The following KIF17 variants were observed in gnomAD, a reference collection of about 807,000 sequenced individuals.
KIF17 encodes kinesin-like protein KIF17.
In KIF17, 80 loss-of-function variants were observed where a neutral mutation model predicts 96.8. That is an observed-to-expected ratio of 0.83 (90% confidence interval 0.69 to 1.00). KIF17 has a LOEUF of 1.00. Ranked by LOEUF, KIF17 falls within the 50% of genes least tolerant of loss-of-function variation. The pLI is 0.00. For missense variants in KIF17, 1,280 were observed against 1,372.9 expected (o/e 0.93, Z 1.07); for synonymous variants, 567 against 587.5 (o/e 0.97, Z 0.51).
In KIF17 at chr1:20,685,410, C is replaced by A; in HGVS notation, c.2020-390G>T. ...CTGCCTCCACGGCCTCCCCCGCCAC[C>A]GTGGCCTCCTTTTCCATTGCTAAGA... On this transcript the variant is annotated intron_variant, in intron 9 of 14. Coordinates refer to ENST00000400463, the MANE Select transcript of KIF17 (RefSeq NM_001122819.3). This position sits in a 1 kb window ranked among gnomAD's most constrained non-coding sequence, Gnocchi z 4.1. 2.5e-6 allele frequency: 1 copy of A among 398,270 alleles called. No individual in the cohort carries two copies. The allele number at this position is 398,270 out of a possible 1,614,324, so 24.7% of individuals were successfully genotyped here.
chr1:20,690,352 G>GGGGGGGGCCCC lies in KIF17; in HGVS notation c.1234-18_1234-17insGGGGCCCCCCC. The GGGGGGGGCCCC allele has an allele frequency of 2.2e-6, 1 of 451,164 alleles. No individual in the cohort carries two copies. Among genetic ancestry groups the GGGGGGGGCCCC allele is most frequent in the Non-Finnish European group, 4.3e-6 (1 of 235,144 alleles). 27.9% of individuals were successfully genotyped at this position (451,164 alleles called of 1,614,324 possible). A position where few individuals can be genotyped will look rare whatever the true frequency, so the allele number is the denominator to read the frequency against. On this transcript the variant is annotated splice_polypyrimidine_tract_variant and intron_variant, in intron 6 of 14. Coordinates refer to ENST00000400463, the MANE Select transcript of KIF17 (RefSeq NM_001122819.3). ...TTCATACTCCTGGGGGGGTGGGAGG[G>GGGGGGGGCCCC]ACCAGAGGGCAGGCAGCATTTTATC...
At chr1:20,673,677 G>A (rs2053687769) in intron 11 of KIF17, among the ~76,000 whole-genome samples, 1 of 151,726 alleles carries the variant, frequency 6.6e-6, no homozygotes, top group African/African-American at 2.4e-5. Context: ...TTACAGGTTT[G>A]AGTCACCACG....
chr1:20,671,945 G>T lies in KIF17; in HGVS notation c.2715C>A (p.Leu905=). 6.2e-7 allele frequency: 1 copy of T among 1,613,570 alleles called. No homozygotes were observed. Among genetic ancestry groups the T allele is most frequent in the South Asian group, 1.1e-5 (1 of 91,070 alleles). Reference sequence around the variant, plus strand: ...GCCAGCCAAGCTCCTGACCTACTGGGAGGCTGGTTTTTGTGATGACGGGAT... The same window carrying T: ...GCCAGCCAAGCTCCTGACCTACTGGTAGGCTGGTTTTTGTGATGACGGGAT... ...IPHPVITKTS[L]PVVSTGPQNK... Residue 905 remains leucine (L), a synonymous_variant, in exon 12 of 15, where the codon CTC becomes CTA. Coordinates refer to ENST00000400463, the MANE Select transcript of KIF17 (RefSeq NM_001122819.3).
At chr1:20,670,072 C>T (rs1199672018) in intron 13 of KIF17, among the ~76,000 whole-genome samples, 1 of 151,616 alleles carries the variant, frequency 6.6e-6, no homozygotes, top group Non-Finnish European at 1.5e-5. Context: ...TTCATGAACC[C>T]TGTGAGGACC....
intron 11 of KIF17, among the ~76,000 whole-genome samples, chr1:20,680,987 G>T (rs944262974): frequency 2.0e-5 from 3 of 151,242 alleles, no homozygotes; most frequent in African/African-American, 7.3e-5. Flanking sequence ...TTAGCTGGGT[G>T]TGGTGGCGGG....
In KIF17 at chr1:20,704,362, G is replaced by T; in HGVS notation, c.1123+85C>A. ...ATGCTGCTCCCACTGTCTTTTAGGT[G>T]GGAAGTTGGAGGCGAGAAGACAGAG... On this transcript the variant is annotated intron_variant, in intron 5 of 14. Transcript: ENST00000400463. The surrounding 1 kb of genome is among the most constrained non-coding windows in gnomAD (Gnocchi z 6.8). 9.0e-7 allele frequency: 1 copy of T among 1,109,878 alleles called. No individual in the cohort carries two copies. The highest frequency in any genetic ancestry group is 1.3e-6 in the Non-Finnish European group (1 of 750,896). 68.8% of individuals were successfully genotyped at this position (1,109,878 alleles called of 1,614,324 possible).
intron 6 of KIF17, chr1:20,693,845 C>T (rs1426984013): frequency 1.3e-5 from 2 of 152,182 alleles, no homozygotes; most frequent in South Asian, 2.1e-4. Flanking sequence ...TGTGAGCTCT[C>T]TCAGCAGCAC....
intron 3 of KIF17, among the ~76,000 whole-genome samples, chr1:20,711,881 C>A (rs771616096): frequency 6.6e-6 from 1 of 152,162 alleles, no homozygotes; most frequent in Non-Finnish European, 1.5e-5. Flanking sequence ...CACATGGAGC[C>A]TCAGTTTCCT....
In KIF17 at chr1:20,687,654, C is replaced by T; in HGVS notation, c.1672G>A (p.Glu558Lys). ...SVSEAFPGPEEPSNVEVSMPT... is the reference protein window; with the variant it reads ...SVSEAFPGPEKPSNVEVSMPT... ...ATGGAGACCTCCACGTTGGAGGGCT[C>T]CTCAGGCCCAGGGAAAGCCTCGGAC... The change falls in exon 8 of 15, where the codon GAG (glutamate) becomes AAG (lysine). Residue 558 changes from glutamate (E) to lysine (K), a missense_variant. Glu to Lys is a moderately conservative substitution (Grantham distance 56). Transcript: ENST00000400463. This position sits in a 1 kb window ranked among gnomAD's most constrained non-coding sequence, Gnocchi z 4.4. 1 of 1,614,172 alleles carries T rather than the reference C, an allele frequency of 6.2e-7. No homozygotes were observed. The highest frequency in any genetic ancestry group is 8.5e-7 in the Non-Finnish European group (1 of 1,180,024).
rs909983519 is a variant in KIF17, at chr1:20,664,760, G to A, written c.2911C>T (p.His971Tyr). 5.0e-6 allele frequency: 8 copies of A among 1,611,896 alleles called. No homozygotes were observed. Among genetic ancestry groups the A allele is most frequent in the African/African-American group, 1.3e-5 (1 of 74,968 alleles). ...CTGAGGCCTGGTGGCGAGTTGTGAT[G>A]TGCTGTGGGGAAGAGGGCAGAGGTG... The part of the protein sequence containing the change: ...LSTDARKSLT[H>Y]HNSPPGLSCP... Residue 971 changes from histidine (H) to tyrosine (Y), a missense_variant and splice_region_variant, in exon 15 of 15, where the codon CAT becomes TAT. Physicochemically the swap from His to Tyr is moderately conservative, Grantham distance 83. Coordinates refer to ENST00000400463, the MANE Select transcript of KIF17 (RefSeq NM_001122819.3).
At chr1:20,673,526 C>T (rs912546815) in intron 11 of KIF17, among the ~76,000 whole-genome samples, 1 of 145,304 alleles carries the variant, frequency 6.9e-6, no homozygotes, top group African/African-American at 2.6e-5. Context: ...GTGGCCCAGC[C>T]TGCTCCATTT....
At position 20,717,835 on chromosome 1, in the gene KIF17, G is replaced by T. The variant is rs2054611967; in HGVS notation, c.-129C>A. 7 of 852,846 alleles carry T rather than the reference G, an allele frequency of 8.2e-6. No individual in the cohort carries two copies. The highest frequency in any genetic ancestry group is 1.0e-5 in the Non-Finnish European group (7 of 681,740). 52.8% of individuals were successfully genotyped at this position (852,846 alleles called of 1,614,324 possible). A position where few individuals can be genotyped will look rare whatever the true frequency, so the allele number is the denominator to read the frequency against. On this transcript the variant is annotated 5_prime_UTR_variant, in exon 1 of 15. Transcript: ENST00000400463. ...GGGGCCTTGAGGCAGGGGCGGGGCC[G>T]CGGCGGGGGGCGGGGACCCCTCGGG...
At position 20,665,590 on chromosome 1, in the gene KIF17, G is replaced by A. The variant is rs569935982; in HGVS notation, c.2908+624C>T. Among the ~76,000 whole-genome samples, 7 of 151,746 alleles carry A rather than the reference G, an allele frequency of 4.6e-5. No individual in the cohort carries two copies. In the East Asian group the frequency reaches 9.7e-4, roughly 21 times the overall value. On this transcript the variant is annotated intron_variant, in intron 14 of 14. Transcript: ENST00000400463. ...TAATTTTTGTATTTTTAGTAGAGAC[G>A]GGGTTTCACCATGTTGGCCAGGCTT...
chr1:20,702,645 T>A (rs570663210), intron 5 of KIF17, among the ~76,000 whole-genome samples: 2 of 152,330 alleles, frequency 1.3e-5, no homozygotes, highest in East Asian at 3.9e-4. Context: ...GTTCCCCAAA[T>A]GCACCTTAGA....
chr1:20,701,118 T>C (rs1261362118), intron 5 of KIF17, among the ~76,000 whole-genome samples: 3 of 152,128 alleles, frequency 2.0e-5, no homozygotes, highest in Admixed American at 2.0e-4. Context: ...ATCTCTGTGC[T>C]GTCACCCAGT....
Position 20,687,975 on chromosome 1 carries a change from T to TA in KIF17, c.1382-32dup, listed in dbSNP as rs764606354. The TA allele has an allele frequency of 6.3e-6, 10 of 1,596,548 alleles. No individual in the cohort carries two copies. Among genetic ancestry groups the TA allele is most frequent in the Non-Finnish European group, 8.6e-6 (10 of 1,164,970 alleles). On this transcript the variant is annotated intron_variant, in intron 7 of 14. Coordinates refer to ENST00000400463, the MANE Select transcript of KIF17 (RefSeq NM_001122819.3). This position sits in a 1 kb window ranked among gnomAD's most constrained non-coding sequence, Gnocchi z 4.4. ...AAATGGAGAACTTCCTTCAGGTTTT[T>TA]AAAGGGTCAGAATGAGAGACCCTTC... is the stretch of plus-strand genomic sequence containing the variant.
At chr1:20,669,895 A>AAAC (rs2053608839) in intron 13 of KIF17, among the ~76,000 whole-genome samples, 1 of 142,282 alleles carries the variant, frequency 7.0e-6, no homozygotes, top group African/African-American at 2.6e-5. Context: ...AAAAAAAAAA[A>AAAC]AAAAAAAAAC....
chr1:20,717,515 G>A lies in KIF17; in HGVS notation c.192C>T (p.Thr64=), dbSNP rs1387350801. 1 of 1,611,948 alleles carries A rather than the reference G, an allele frequency of 6.2e-7. No homozygotes were observed. The highest frequency in any genetic ancestry group is 8.5e-7 in the Non-Finnish European group (1 of 1,179,640). ...FDGAYHVDHV[T]EQIYNEIAYP... is the part of the protein sequence containing the mutation. Reference sequence around the variant, plus strand: ...AGGCGATCTCGTTGTAGATCTGCTCGGTGACGTGGTCCACGTGGTAGGCGC... The same window carrying A: ...AGGCGATCTCGTTGTAGATCTGCTCAGTGACGTGGTCCACGTGGTAGGCGC... The change falls in exon 1 of 15, where the codon ACC becomes ACT. Residue 64 remains threonine (T), a synonymous_variant. Transcript: ENST00000400463.
intron 11 of KIF17, among the ~76,000 whole-genome samples, chr1:20,676,767 GT>G (rs2053745007): frequency 6.6e-6 from 1 of 152,046 alleles, no homozygotes; most frequent in Admixed American, 6.6e-5. Context: ...GGGGGCGAAG[GT>G]TGCAGTGAGT....
Sources: allele counts gnomAD v4.1 joint callset (sites outside exome capture counted in the v4.1 genomes callset), GRCh38; gene constraint gnomAD v4.1.1; non-coding constraint Gnocchi (gnomAD v3.1); transcripts MANE v1.5; gene names NCBI Gene and HGNC (gene_info 2026-07-23, HGNC 2026-07-21).